Variants in QSOX1 observed in about 807,000 individuals in gnomAD.
The protein encoded by QSOX1 is sulfhydryl oxidase 1.
In QSOX1, 40 loss-of-function variants were observed where a neutral mutation model predicts 76.1. The ratio of observed to expected loss-of-function variants is 0.53; its 90% confidence interval spans 0.41 to 0.68. The LOEUF (loss-of-function observed/expected upper bound fraction) is 0.68, where lower values mean the gene tolerates loss of function less well. QSOX1 is among the 30% of genes least tolerant of loss of function. QSOX1 has a pLI of 0.00. For synonymous variants in QSOX1, 392 were observed against 413.1 expected (o/e 0.95, Z 0.62); for missense variants, 931 against 974.3 (o/e 0.96, Z 0.59).
chr1:180,159,403 C>A (rs1410044075), intron 1 of QSOX1, among the ~76,000 whole-genome samples: 1 of 152,204 alleles, frequency 6.6e-6, no homozygotes, highest in Non-Finnish European at 1.5e-5. Context: ...ATGGAGCACT[C>A]ACATAAGGAC....
At position 180,178,914 on chromosome 1, in the gene QSOX1, T is replaced by C. The variant is rs562369616; in HGVS notation, c.606+30T>C. 7.6e-6 allele frequency: 12 copies of C among 1,584,152 alleles called. No individual in the cohort carries two copies. The African/African-American group carries it at 9.4e-5, about 12-fold the overall frequency. On this transcript the variant is annotated intron_variant, in intron 5 of 11. Transcript: ENST00000367602. Reference sequence around the variant, plus strand: ...GCTGCCCTGAAGTTCCCTGCAATTCTTGGATAGCCATGGAGAGAGAGCCCC... The same window carrying C: ...GCTGCCCTGAAGTTCCCTGCAATTCCTGGATAGCCATGGAGAGAGAGCCCC...
At chr1:180,171,422 G>A (rs1212897385) in intron 2 of QSOX1, among the ~76,000 whole-genome samples, 2 of 151,502 alleles carry the variant, frequency 1.3e-5, no homozygotes, top group African/African-American at 4.9e-5. Flanking sequence ...TGAGAGAGGG[G>A]TGATTCAGTC....
At chr1:180,165,128 A>T (rs1662585179) in intron 1 of QSOX1, among the ~76,000 whole-genome samples, 1 of 152,214 alleles carries the variant, frequency 6.6e-6, no homozygotes, top group Non-Finnish European at 1.5e-5. Context: ...TTTGGAGGGG[A>T]CAAGATCCAG....
Position 180,186,182 on chromosome 1 carries a change from G to A in QSOX1, c.1017G>A (p.Lys339=), listed in dbSNP as rs1417049899. 1.2e-6 allele frequency: 2 copies of A among 1,611,780 alleles called. No individual in the cohort carries two copies. Among genetic ancestry groups the A allele is most frequent in the African/African-American group, 1.3e-5 (1 of 74,896 alleles). The change falls in exon 8 of 12, where the codon AAG becomes AAA. Residue 339 remains lysine, a splice_region_variant and synonymous_variant. Transcript: ENST00000367602. ...ALKKFVAVLA[K]YFPGRPLVQN... is the part of the protein sequence containing the mutation. ...AAAAGTTTGTGGCAGTGCTGGCCAA[G>A]GTGAGCAGGGCCATGGCTTCCCTTG...
chr1:180,198,711 C>T lies in QSOX1; in HGVS notation c.*1674C>T. The T allele has an allele frequency of 6.4e-6, 2 of 310,694 alleles. No individual in the cohort carries two copies. The highest frequency in any genetic ancestry group is 1.3e-5 in the Non-Finnish European group (2 of 155,144). 19.2% of individuals were successfully genotyped at this position (310,694 alleles called of 1,614,324 possible). On this transcript the variant is annotated 3_prime_UTR_variant, in exon 12 of 12. Coordinates refer to ENST00000367602, the MANE Select transcript of QSOX1 (RefSeq NM_002826.5). ...CTCTCTGTGCCCCTGCTCCAGGCAC[C>T]CATTGGCTCCATCCTCCTGGTTGTG...
chr1:180,178,993 T>A (rs1191666981), intron 5 of QSOX1, 109 bp downstream of exon 5: 3 of 984,018 alleles, frequency 3.0e-6, no homozygotes, highest in African/African-American at 1.6e-5. Flanking sequence ...TGCCTGGGTC[T>A]TTTAGCCTGG....
chr1:180,188,179 G>C (rs1406724031), intron 8 of QSOX1, among the ~76,000 whole-genome samples: 4 of 152,184 alleles, frequency 2.6e-5, no homozygotes. Flanking sequence ...TTACCACCAA[G>C]TGCATGGTGC....
chr1:180,196,679 A>T lies in QSOX1; in HGVS notation c.1886A>T (p.Gln629Leu). ...CCTCCTGAGCACATGGCAGAGCTTC[A>T]GAGGAATGAGCAGGAGCAGCCGCTT... Reference protein sequence around the residue: ...QEPPEHMAELQRNEQEQPLGQ... With the variant: ...QEPPEHMAELLRNEQEQPLGQ... Residue 629 changes from glutamine to leucine, a missense_variant, in exon 12 of 12, where the codon CAG becomes CTG. Gln to Leu is a moderately radical substitution (Grantham distance 113, BLOSUM62 -2). Transcript: ENST00000367602. This position sits in a 1 kb window ranked among gnomAD's most constrained non-coding sequence, Gnocchi z 4.1. 6.2e-7 allele frequency: 1 copy of T among 1,614,100 alleles called. No individual in the cohort carries two copies. Among genetic ancestry groups the T allele is most frequent in the Non-Finnish European group, 8.5e-7 (1 of 1,180,042 alleles).
At chr1:180,164,674 G>T (rs1379501917) in intron 1 of QSOX1, among the ~76,000 whole-genome samples, 2 of 152,214 alleles carry the variant, frequency 1.3e-5, no homozygotes, top group African/African-American at 4.8e-5. Flanking sequence ...CAGGCGTAAC[G>T]TGTTCTTAGG....
intron 2 of QSOX1, among the ~76,000 whole-genome samples, chr1:180,172,006 G>A (rs889485868): frequency 6.6e-6 from 1 of 152,190 alleles, no homozygotes; most frequent in African/African-American, 2.4e-5. Flanking sequence ...AGCTTCCCTA[G>A]AACGGCTTCA....
At chr1:180,169,186 G>A (rs1662706198) in intron 2 of QSOX1, among the ~76,000 whole-genome samples, 1 of 152,256 alleles carries the variant, frequency 6.6e-6, no homozygotes, top group Non-Finnish European at 1.5e-5. Context: ...ACAAAGGCGT[G>A]GGAGAGGGAG....
rs1160658674 is a variant in QSOX1 at position 180,176,045 on chromosome 1, T to C, written c.515+12T>C. ...CTGGAGCCTGCCAAGTACTTTGGGC[T>C]GGGGCAGGCTTAGTGCATTGTGGGC... is the stretch of plus-strand genomic sequence containing the variant. On this transcript the variant is annotated intron_variant, in intron 4 of 11. Coordinates refer to ENST00000367602, the MANE Select transcript of QSOX1 (RefSeq NM_002826.5). The C allele has an allele frequency of 3.2e-6, 5 of 1,569,276 alleles. No individual in the cohort carries two copies. The highest frequency in any genetic ancestry group is 4.3e-6 in the Non-Finnish European group (5 of 1,155,044).
At position 180,189,559 on chromosome 1, in the gene QSOX1, C is replaced by G; in HGVS notation, c.1025C>G (p.Pro342Arg). The change falls in exon 9 of 12, where the codon CCT (proline) becomes CGT (arginine). Residue 342 changes from proline to arginine, a missense_variant. Coordinates refer to ENST00000367602, the MANE Select transcript of QSOX1 (RefSeq NM_002826.5). ...GCTTGTTCCTCCCCACAGTATTTCCCTGGCCGGCCCTTAGTCCAGAACTTC... is the reference window on the plus strand; with the variant it reads ...GCTTGTTCCTCCCCACAGTATTTCCGTGGCCGGCCCTTAGTCCAGAACTTC... ...KFVAVLAKYF[P>R]GRPLVQNFLH... 6.2e-7 allele frequency: 1 copy of G among 1,611,784 alleles called. No individual in the cohort carries two copies. The highest frequency in any genetic ancestry group is 8.5e-7 in the Non-Finnish European group (1 of 1,178,558).
rs1663585786 is a variant in QSOX1, at chr1:180,199,517, G to A, written c.*2480G>A. On this transcript the variant is annotated 3_prime_UTR_variant, in exon 12 of 12. Coordinates refer to ENST00000367602, the MANE Select transcript of QSOX1 (RefSeq NM_002826.5). ...CGAGTAGGTGTTAGCAAGGAAATAA[G>A]GAGGAACGGGGGTTACGGGCAGAGG... 6.6e-6 allele frequency: 1 copy of A among 152,220 alleles called. No individual in the cohort carries two copies. The highest frequency in any genetic ancestry group is 1.5e-5 in the Non-Finnish European group (1 of 68,060). The allele number at this position is 152,220 out of a possible 1,614,324, so 9.4% of individuals were successfully genotyped here.
At position 180,198,468 on chromosome 1, in the gene QSOX1, A is replaced by C; in HGVS notation, c.*1431A>C. On this transcript the variant is annotated 3_prime_UTR_variant, in exon 12 of 12. Transcript: ENST00000367602. ...ACAAGGATCAGAGCTGCTGATAATG[A>C]ACCTCATTAAGGGGGAGCAGGAGCC... The C allele has an allele frequency of 2.2e-6, 1 of 446,026 alleles. No individual in the cohort carries two copies. Among genetic ancestry groups the C allele is most frequent in the South Asian group, 1.6e-5 (1 of 64,366 alleles). 27.6% of individuals were successfully genotyped at this position (446,026 alleles called of 1,614,324 possible).
In QSOX1 at chr1:180,198,688, C is replaced by G. The variant is rs1274880136; in HGVS notation, c.*1651C>G. 3.1e-6 allele frequency: 1 copy of G among 326,402 alleles called. No individual in the cohort carries two copies. 20.2% of individuals were successfully genotyped at this position (326,402 alleles called of 1,614,324 possible). ...GCTGGGCTCCTGGGTTGGACTCCCT[C>G]TCTGTGCCCCTGCTCCAGGCACCCA... On this transcript the variant is annotated 3_prime_UTR_variant, in exon 12 of 12. Coordinates refer to ENST00000367602, the MANE Select transcript of QSOX1 (RefSeq NM_002826.5).
intron 3 of QSOX1, 106 bp downstream of exon 3, chr1:180,175,472 G>A (rs1662866917): frequency 2.4e-6 from 3 of 1,243,800 alleles, no homozygotes; most frequent in African/African-American, 1.5e-5. Context: ...CGGCAGGGTC[G>A]AGGGTGAGGC....
intron 10 of QSOX1, among the ~76,000 whole-genome samples, chr1:180,193,495 A>G (rs1315176254): frequency 1.3e-5 from 2 of 151,944 alleles, no homozygotes; most frequent in African/African-American, 2.4e-5. Flanking sequence ...ATTGGCTTCT[A>G]AAGGCCTGGG....
chr1:180,189,052 C>T (rs1269998856), intron 8 of QSOX1, among the ~76,000 whole-genome samples: 9 of 152,220 alleles, frequency 5.9e-5, no homozygotes, highest in Admixed American at 5.2e-4. Flanking sequence ...CCTGGCTGGT[C>T]CTCACTGGCA....
Sources: allele counts gnomAD v4.1 joint callset (sites outside exome capture counted in the v4.1 genomes callset), GRCh38; gene constraint gnomAD v4.1.1; non-coding constraint Gnocchi (gnomAD v3.1); transcripts MANE v1.5; gene names NCBI Gene and HGNC (gene_info 2026-07-23, HGNC 2026-07-21).